Variants in ARPC4 observed in about 807,000 individuals in gnomAD.
ARPC4 encodes actin-related protein 2/3 complex subunit 4.
A neutral mutation model predicts 22.8 loss-of-function variants in ARPC4; 3 were observed. The ratio of observed to expected loss-of-function variants is 0.13; its 90% CI spans 0.06 to 0.34. The LOEUF (loss-of-function observed/expected upper bound fraction) is 0.34. Among genes scored for constraint, ARPC4 ranks in the 10% least tolerant of loss-of-function variants. The pLI is 1.00. For synonymous variants in ARPC4, 80 were observed against 72.5 expected (o/e 1.10, Z -0.52); for missense variants, 98 against 211.0 (o/e 0.46, Z 3.32).
Position 9,806,453 on chromosome 3 carries a change from C to A in ARPC4, c.*238C>A. The A allele has an allele frequency of 5.6e-6, 3 of 539,026 alleles. No homozygotes were observed. The highest frequency in any genetic ancestry group is 3.3e-5 in the East Asian group (1 of 30,282). The allele number at this position is 539,026 out of a possible 1,614,324, so 33.4% of individuals were successfully genotyped here. ...TGATGTTCAGTCCCCTGGGCCGGGA[C>A]AGATTTTTTTTAACGTCTTGAAACT... On this transcript the variant is annotated 3_prime_UTR_variant, in exon 6 of 6. Transcript: ENST00000397261.
At chr3:9,803,665 C>T in intron 4 of ARPC4, 178 bp from the exon 5 acceptor site, 1 of 790,204 alleles carries the variant, frequency 1.3e-6, no homozygotes, top group Non-Finnish European at 2.2e-6. Flanking sequence ...TGGATCCAAC[C>T]TAGACACCCT....
Position 9,806,374 on chromosome 3 carries a change from G to A in ARPC4, c.*159G>A. 1.2e-6 allele frequency: 1 copy of A among 837,952 alleles called. No individual in the cohort carries two copies. The highest frequency in any genetic ancestry group is 1.5e-5 in the South Asian group (1 of 68,586). 51.9% of individuals were successfully genotyped at this position (837,952 alleles called of 1,614,324 possible). On this transcript the variant is annotated 3_prime_UTR_variant, in exon 6 of 6. Transcript: ENST00000397261. Reference sequence around the variant, plus strand: ...GGTGGTGTGCTTGCTAGCTGGGCAAGAAAGCAGCAGTGGACCTGCCCCAAG... The same window carrying A: ...GGTGGTGTGCTTGCTAGCTGGGCAAAAAAGCAGCAGTGGACCTGCCCCAAG...
At chr3:9,802,272 A>G (rs1401614441) in intron 4 of ARPC4, among the ~76,000 whole-genome samples, 1 of 149,920 alleles carries the variant, frequency 6.7e-6, no homozygotes, top group African/African-American at 2.4e-5. Context: ...GGCAAAAAAG[A>G]TAAGACACAT....
chr3:9,796,425 AT>A (rs1206833199), intron 1 of ARPC4, among the ~76,000 whole-genome samples: 1 of 152,134 alleles, frequency 6.6e-6, no homozygotes, highest in Non-Finnish European at 1.5e-5. Context: ...CATGAAAGAC[AT>A]TTTTTTGTCA....
chr3:9,803,845 G>A lies in ARPC4; in HGVS notation c.333G>A (p.Gly111=), dbSNP rs767818616. 5.6e-6 allele frequency: 9 copies of A among 1,613,764 alleles called. No individual in the cohort carries two copies. The Admixed American group carries it at 1.2e-4, about 21-fold the overall frequency. The stretch of plus-strand genomic sequence containing the variant: ...CTCCCTACTGTCTTCTTCCCTAGGG[G>A]TATGATATCAGCTTTCTGATCACCA... The part of the protein sequence containing the change: ...FFILRRKPVE[G]YDISFLITNF... Residue 111 remains glycine (G), a splice_region_variant and synonymous_variant, in exon 5 of 6, where the codon GGG becomes GGA. Transcript: ENST00000397261.
rs561578724 is a variant in ARPC4 at position 9,793,155 on chromosome 3, C to T, written c.3+31C>T. The T allele has an allele frequency of 8.5e-6, 13 of 1,536,468 alleles. No homozygotes were observed. In the East Asian group the frequency reaches 1.8e-4, roughly 21 times the overall value. On this transcript the variant is annotated intron_variant, in intron 1 of 5. Coordinates refer to ENST00000397261, the MANE Select transcript of ARPC4 (RefSeq NM_005718.5). ...AGAGCCGGGCCCCCGGCCAGGGACC[C>T]CCGGCTGTTCGGCCTCAGGGCAGTG...
At chr3:9,792,824 G>A, upstream of ARPC4, 1 of 1,357,190 alleles carries the variant, frequency 7.4e-7, no homozygotes, top group East Asian at 3.0e-5. Context: ...TTGCATACCT[G>A]GGGGAGGCTG....
chr3:9,796,349 G>A (rs1306329925), intron 1 of ARPC4, among the ~76,000 whole-genome samples: 1 of 152,204 alleles, frequency 6.6e-6, no homozygotes, highest in Non-Finnish European at 1.5e-5. Flanking sequence ...AGCAGAGATC[G>A]TGCCACTGCA....
Position 9,806,522 on chromosome 3 carries a change from T to A in ARPC4, c.*307T>A. ...GATACTGTAACCTTTTTGTCTTTTT[T>A]TTTTTTTTTTTTTTTAAACCTCCAC... On this transcript the variant is annotated 3_prime_UTR_variant, in exon 6 of 6. Transcript: ENST00000397261. 2.4e-6 allele frequency: 1 copy of A among 423,370 alleles called. No homozygotes were observed. Among genetic ancestry groups the A allele is most frequent in the Non-Finnish European group, 4.3e-6 (1 of 233,698 alleles). The allele number at this position is 423,370 out of a possible 1,614,324, so 26.2% of individuals were successfully genotyped here. A position where few individuals can be genotyped will look rare whatever the true frequency, so the allele number is the denominator to read the frequency against.
intron 5 of ARPC4, 93 bp from the exon 6 acceptor site, chr3:9,806,117 A>G: frequency 7.1e-7 from 1 of 1,409,176 alleles, no homozygotes; most frequent in Non-Finnish European, 1.0e-6. Context: ...ATATGAGCAC[A>G]GTGGCAGCTC....
intron 2 of ARPC4, 112 bp downstream of exon 2, chr3:9,797,889 A>G: frequency 2.6e-6 from 3 of 1,140,504 alleles, no homozygotes; most frequent in Non-Finnish European, 3.6e-6. Context: ...GCTGCAGTTG[A>G]CATTTTGTCT....
chr3:9,797,808 G>C (rs2078926949), intron 2 of ARPC4, 31 bp downstream of exon 2: 1 of 1,606,108 alleles, frequency 6.2e-7, no homozygotes, highest in African/African-American at 1.3e-5. Context: ...GTGGGGATGA[G>C]GGGTGCAGCA....
upstream of ARPC4, chr3:9,792,620 C>T (rs2078766327): frequency 4.1e-6 from 5 of 1,230,536 alleles, no homozygotes; most frequent in Non-Finnish European, 5.1e-6. Context: ...AGGCGAGCCC[C>T]GGGGCACAGC....
At chr3:9,801,308 C>T (rs1281207236) in intron 3 of ARPC4, among the ~76,000 whole-genome samples, 1 of 151,148 alleles carries the variant, frequency 6.6e-6, no homozygotes, top group Non-Finnish European at 1.5e-5. Flanking sequence ...AAGCAGAGAC[C>T]ACCTAAGGTT....
At chr3:9,794,330 T>G (rs1172718611) in intron 1 of ARPC4, among the ~76,000 whole-genome samples, 2 of 151,922 alleles carry the variant, frequency 1.3e-5, no homozygotes, top group African/African-American at 2.4e-5. Flanking sequence ...AAACCTCTTC[T>G]CTACTAAAAA....
upstream of ARPC4, chr3:9,792,544 C>G: frequency 1.6e-6 from 2 of 1,225,028 alleles, no homozygotes; most frequent in Non-Finnish European, 1.0e-6. Context: ...CTGGAGTTTG[C>G]CGGGGGTGGG....
chr3:9,802,368 GTC>G (rs1324301226), intron 4 of ARPC4, among the ~76,000 whole-genome samples: 5 of 140,598 alleles, frequency 3.6e-5, no homozygotes, highest in African/African-American at 1.3e-4. Flanking sequence ...ATGAATCATA[GTC>G]TCTCTCTCTT....
intron 5 of ARPC4, among the ~76,000 whole-genome samples, chr3:9,805,962 G>A (rs2079098610): frequency 6.6e-6 from 1 of 152,256 alleles, no homozygotes; most frequent in Non-Finnish European, 1.5e-5. Context: ...GCACAAGGGA[G>A]CTGTGGAGAA....
At chr3:9,796,457 G>T (rs924940449) in intron 1 of ARPC4, among the ~76,000 whole-genome samples, 7 of 152,174 alleles carry the variant, frequency 4.6e-5, no homozygotes, top group African/African-American at 1.4e-4. Context: ...ATACTTTATA[G>T]GGGGATGTCA....
Sources: gnomAD v4.1 joint callset for allele counts (sites outside exome capture counted in the v4.1 genomes callset) on GRCh38, gnomAD v4.1.1 for gene constraint, MANE v1.5 for transcripts, NCBI Gene and HGNC (gene_info 2026-07-23, HGNC 2026-07-21) for gene names.